CDH4: variants seen among roughly 807,000 people sequenced by gnomAD.
CDH4 encodes the protein cadherin 4, also known as cadherin-4.
Under a neutral mutation model 86.0 loss-of-function variants are expected in CDH4, and 33 were observed. The ratio of observed to expected loss-of-function variants is 0.38; its 90% CI spans 0.29 to 0.51. The LOEUF (loss-of-function observed/expected upper bound fraction) is 0.51. Ranked by LOEUF, CDH4 falls within the 20% of genes least tolerant of loss-of-function variation. The pLI is 0.86. For synonymous variants in CDH4, 555 were observed against 549.4 expected (o/e 1.01, Z -0.14); for missense variants, 1,114 against 1,307.4 (o/e 0.85, Z 2.28).
At chr20:61,296,280 G>GGTGC (rs1555834485) in intron 2 of CDH4, among the ~76,000 whole-genome samples, 20,130 of 137,022 alleles carry the variant, frequency 0.15, 1,609 homozygotes, top group African/African-American at 0.23. Flanking sequence ...TGTGTGCGTG[G>GGTGC]GTGCGTGTGT....
intron 2 of CDH4, among the ~76,000 whole-genome samples, chr20:61,456,074 AGAAG>A (rs746768559): frequency 1.3e-5 from 2 of 151,878 alleles, no homozygotes; most frequent in Non-Finnish European, 2.9e-5. Context: ...AGGGATGGAG[AGAAG>A]GAAGGAGGAA....
rs370172514 is a variant in CDH4 at position 61,846,325 on chromosome 20, A to T, written c.732+1502A>T. Among the ~76,000 whole-genome samples, 20 of 152,332 alleles carry T rather than the reference A, an allele frequency of 1.3e-4. No homozygotes were observed. In the South Asian group the frequency reaches 3.3e-3, roughly 25 times the overall value. Reference sequence around the variant, plus strand: ...GAGGCAGAACCACAGAACCAACCAGAGACTCCGGCTGACGCCCCCTGGCTA... The same window carrying T: ...GAGGCAGAACCACAGAACCAACCAGTGACTCCGGCTGACGCCCCCTGGCTA... On this transcript the variant is annotated intron_variant, in intron 5 of 15. Coordinates refer to ENST00000614565, the MANE Select transcript of CDH4 (RefSeq NM_001794.5).
intron 2 of CDH4, among the ~76,000 whole-genome samples, chr20:61,444,419 ATATGTG>A (rs1380899698): frequency 1.8e-5 from 1 of 56,502 alleles, no homozygotes; most frequent in Non-Finnish European, 3.7e-5. Flanking sequence ...GTATCTGTAT[ATATGTG>A]TATGTGTGTG....
intron 8 of CDH4, among the ~76,000 whole-genome samples, chr20:61,908,670 C>T (rs1262452451): frequency 2.0e-5 from 3 of 152,084 alleles, no homozygotes; most frequent in South Asian, 2.1e-4. Flanking sequence ...TTGTGGTGGC[C>T]GTGGGACATC....
intron 2 of CDH4, among the ~76,000 whole-genome samples, chr20:61,564,930 T>C (rs1697022570): frequency 6.6e-6 from 1 of 152,192 alleles, no homozygotes; most frequent in Non-Finnish European, 1.5e-5. Context: ...ACTGAGCCTC[T>C]GAAATGTGAA....
At chr20:61,472,363 C>G (rs1419637051) in intron 2 of CDH4, among the ~76,000 whole-genome samples, 1 of 152,082 alleles carries the variant, frequency 6.6e-6, no homozygotes, top group African/African-American at 2.4e-5. Context: ...ATATCTTTTT[C>G]CATTCTGAAT....
chr20:61,864,019 A>T (rs932704775), intron 6 of CDH4, among the ~76,000 whole-genome samples: 19 of 152,266 alleles, frequency 1.2e-4, no homozygotes, highest in African/African-American at 4.3e-4. Context: ...ATTCAAAAAT[A>T]GTTCTTTGCA....
chr20:61,603,542 G>A (rs2145748446), intron 2 of CDH4, among the ~76,000 whole-genome samples: 1 of 152,334 alleles, frequency 6.6e-6, no homozygotes, highest in East Asian at 1.9e-4. Context: ...TACCAGGTGT[G>A]GGAGGGGAGA....
chr20:61,755,396 TGCACACCAC>T (rs1981416106), intron 3 of CDH4, among the ~76,000 whole-genome samples: 1 of 116,566 alleles, frequency 8.6e-6, no homozygotes, highest in Non-Finnish European at 1.8e-5. Flanking sequence ...ACACGCCCCA[TGCACACCAC>T]ACACACCATA....
In CDH4 at chr20:61,906,163, CAG is replaced by C. The variant is rs531706602; in HGVS notation, c.1189-4258_1189-4257del. Among the ~76,000 whole-genome samples the C allele has an allele frequency of 7.9e-5, 12 of 152,328 alleles. No homozygotes were observed. The East Asian group carries it at 2.3e-3, about 29-fold the overall frequency. ...AAACCAGTTATTGAGGCGGGGGCCTCAGGGGTGGAGAACAAGGATCTGAAGCA... is the reference window on the plus strand; with the variant it reads ...AAACCAGTTATTGAGGCGGGGGCCTCGGGTGGAGAACAAGGATCTGAAGCA... On this transcript the variant is annotated intron_variant, in intron 8 of 15. Coordinates refer to ENST00000614565, the MANE Select transcript of CDH4 (RefSeq NM_001794.5).
chr20:61,479,182 G>GT (rs77238763), intron 2 of CDH4, among the ~76,000 whole-genome samples: 2 of 151,276 alleles, frequency 1.3e-5, no homozygotes, highest in Non-Finnish European at 2.9e-5. Flanking sequence ...TTTGTTTTTT[G>GT]TTTTTTTGTT....
At chr20:61,505,528 G>T (rs564438991) in intron 2 of CDH4, among the ~76,000 whole-genome samples, 2 of 152,188 alleles carry the variant, frequency 1.3e-5, no homozygotes, top group African/African-American at 4.8e-5. Context: ...ACTATGCAGG[G>T]GGCCCCAGTG....
chr20:61,754,687 ACACACACAGTGCATGCCACACACACCG>A lies in CDH4; in HGVS notation c.396+10907_396+10933del, dbSNP rs1442606370. On this transcript the variant is annotated intron_variant, in intron 3 of 15. Transcript: ENST00000614565. This position sits in a 1 kb window ranked among gnomAD's most constrained non-coding sequence, Gnocchi z 4.7. ...ACGCCCCGCACACACTATGCACACC[ACACACACAGTGCATGCCACACACACCG>A]CACACACACTGCACGCCCCGCACAC... Among the ~76,000 whole-genome samples, 2 of 146,324 alleles carry A rather than the reference ACACACACAGTGCATGCCACACACACCG, an allele frequency of 1.4e-5. No homozygotes were observed. The highest frequency in any genetic ancestry group is 3.0e-5 in the Non-Finnish European group (2 of 66,706).
chr20:61,638,022 A>T (rs1406044066), intron 2 of CDH4, among the ~76,000 whole-genome samples: 1 of 115,556 alleles, frequency 8.7e-6, no homozygotes, highest in Non-Finnish European at 1.8e-5. Context: ...CAAGAATAAA[A>T]CTCCGTCTAA....
intron 2 of CDH4, among the ~76,000 whole-genome samples, chr20:61,729,253 G>A (rs944896007): frequency 6.6e-6 from 1 of 152,150 alleles, no homozygotes; most frequent in Non-Finnish European, 1.5e-5. Context: ...CTTCATTAGC[G>A]ACATCGCCCA....
intron 2 of CDH4, among the ~76,000 whole-genome samples, chr20:61,660,329 T>C (rs934384802): frequency 1.3e-5 from 2 of 152,132 alleles, no homozygotes; most frequent in Non-Finnish European, 2.9e-5. Flanking sequence ...AAACAAAGAG[T>C]GTTTAATAAC....
chr20:61,266,870 T>A (rs990627648), intron 2 of CDH4, among the ~76,000 whole-genome samples: 10 of 152,002 alleles, frequency 6.6e-5, no homozygotes, highest in African/African-American at 2.4e-4. Context: ...GGAGAAAGGG[T>A]CTTTGCAGAT....
rs1384078315 is a variant in CDH4, at chr20:61,585,660, GGTGATT to G, written c.170-157897_170-157892del. On this transcript the variant is annotated intron_variant, in intron 2 of 15. Coordinates refer to ENST00000614565, the MANE Select transcript of CDH4 (RefSeq NM_001794.5). ...TGGTGATGATGATGGTGATGGTGAT[GGTGATT>G]GTGATGGTGATGGTGATGGTGATGA... Among the ~76,000 whole-genome samples, 49 of 150,204 alleles carry G rather than the reference GGTGATT, an allele frequency of 3.3e-4. 1 individual carries two copies. The highest frequency in any genetic ancestry group is 7.1e-4 in the African/African-American group (29 of 41,056).
chr20:61,769,118 T>G (rs2088741179), intron 3 of CDH4, among the ~76,000 whole-genome samples: 1 of 152,118 alleles, frequency 6.6e-6, no homozygotes, highest in Non-Finnish European at 1.5e-5. Context: ...CTGGGAGAGA[T>G]CTGTCCAGGC....
Sources: allele counts gnomAD v4.1 joint callset (sites outside exome capture counted in the v4.1 genomes callset), GRCh38; gene constraint gnomAD v4.1.1; non-coding constraint Gnocchi (gnomAD v3.1); transcripts MANE v1.5; gene names NCBI Gene and HGNC (gene_info 2026-07-23, HGNC 2026-07-21).